Variants in DCLK1 observed in about 807,000 individuals in gnomAD.
The protein encoded by DCLK1 is serine/threonine-protein kinase DCLK1.
In DCLK1, 16 loss-of-function variants were observed where a neutral mutation model predicts 86.2. The ratio of observed to expected loss-of-function variants is 0.19; its 90% confidence interval spans 0.13 to 0.28. DCLK1 has a LOEUF of 0.28. Among genes scored for constraint, DCLK1 ranks in the 10% least tolerant of loss-of-function variants. DCLK1 has a pLI of 1.00. For missense variants in DCLK1, 590 were observed against 940.2 expected, an observed-to-expected ratio of 0.63 and a Z score of 4.87; for synonymous variants, 369 against 370.5, an observed-to-expected ratio of 1.00 and a Z score of 0.05.
rs142134726 is a variant in DCLK1 at position 35,867,963 on chromosome 13, A to G, written c.940+3261T>C. 7.6e-3 allele frequency among the ~76,000 whole-genome samples: 1,021 copies of G among 134,652 alleles called. 6 individuals are homozygous for G. The highest frequency in any genetic ancestry group is 0.019 in the Admixed American group (226 of 12,158). The allele number at this position is 134,652 out of a possible 152,430, so 88.3% of individuals were successfully genotyped here. A position where few individuals can be genotyped will look rare whatever the true frequency, so the allele number is the denominator to read the frequency against. ...AAAGAAAGAAAGAAAGAAAGAAAGA[A>G]AGAGAAAAAGAAAGACCCTAAACCC... On this transcript the variant is annotated intron_variant, in intron 5 of 16. Coordinates refer to ENST00000360631, the MANE Select transcript of DCLK1 (RefSeq NM_001330071.2).
intron 3 of DCLK1, among the ~76,000 whole-genome samples, chr13:35,977,007 T>C (rs1258550319): frequency 1.3e-5 from 2 of 152,220 alleles, no homozygotes; most frequent in Admixed American, 6.5e-5. Flanking sequence ...ATCTGGATTA[T>C]ATTATTTAAG....
intron 4 of DCLK1, among the ~76,000 whole-genome samples, chr13:35,914,588 A>T (rs9545727): frequency 0.18 from 27,283 of 148,462 alleles, 2,810 homozygotes; most frequent in East Asian, 0.34. Flanking sequence ...ATGGTGGCAC[A>T]GCCTATAGTC....
At chr13:35,914,284 A>T (rs1875232403) in intron 4 of DCLK1, among the ~76,000 whole-genome samples, 1 of 147,996 alleles carries the variant, frequency 6.8e-6, no homozygotes, top group Non-Finnish European at 1.5e-5. Context: ...GTGCCACTGC[A>T]CTCCAGCCTG....
At chr13:35,918,947 C>CT (rs1321530441) in intron 4 of DCLK1, among the ~76,000 whole-genome samples, 1 of 118,562 alleles carries the variant, frequency 8.4e-6, no homozygotes, top group East Asian at 2.6e-4. Flanking sequence ...GCTGCCCAGG[C>CT]TGGAGTGCAG....
At chr13:35,845,495 C>T (rs1434007051) in intron 6 of DCLK1, among the ~76,000 whole-genome samples, 1 of 151,968 alleles carries the variant, frequency 6.6e-6, no homozygotes, top group Non-Finnish European at 1.5e-5. Flanking sequence ...CATTTTTTCC[C>T]CTGCAAATTA....
intron 2 of DCLK1, 45 bp downstream of exon 2, chr13:36,125,717 C>T: frequency 6.4e-7 from 1 of 1,568,964 alleles, no homozygotes. Flanking sequence ...GAAATCTGAG[C>T]CTGGAACCTG....
chr13:35,828,680 C>CGAAAG (rs147220786), intron 8 of DCLK1, among the ~76,000 whole-genome samples: 5 of 151,544 alleles, frequency 3.3e-5, no homozygotes, highest in Admixed American at 6.6e-5. Context: ...GCTCTCAAAA[C>CGAAAG]AAAACACTAG....
At chr13:36,116,356 C>T (rs1885787189) in intron 2 of DCLK1, among the ~76,000 whole-genome samples, 1 of 151,080 alleles carries the variant, frequency 6.6e-6, no homozygotes, top group African/African-American at 2.4e-5. Context: ...TTCTACTTTG[C>T]CATTCGCTTC....
intron 16 of DCLK1, chr13:35,788,373 A>T (rs1213367998): frequency 8.5e-7 from 1 of 1,170,946 alleles, no homozygotes; most frequent in African/African-American, 1.5e-5. Flanking sequence ...CATTGATTCT[A>T]TATGTATATA....
intron 3 of DCLK1, among the ~76,000 whole-genome samples, chr13:35,955,863 G>T (rs780840694): frequency 6.6e-6 from 1 of 152,170 alleles, no homozygotes; most frequent in South Asian, 2.1e-4. Flanking sequence ...ATAGTAGGTA[G>T]GTCTCTGAGT....
chr13:36,086,290 C>G (rs1439993048), intron 3 of DCLK1, among the ~76,000 whole-genome samples: 1 of 152,118 alleles, frequency 6.6e-6, no homozygotes, highest in Non-Finnish European at 1.5e-5. Flanking sequence ...CCTCTGGAGT[C>G]TGCTCTGTAC....
At chr13:36,094,286 C>T (rs1279710258) in intron 3 of DCLK1, among the ~76,000 whole-genome samples, 1 of 152,136 alleles carries the variant, frequency 6.6e-6, no homozygotes, top group Non-Finnish European at 1.5e-5. Flanking sequence ...TTCTTAAATG[C>T]TAGAAACACC....
intron 3 of DCLK1, among the ~76,000 whole-genome samples, chr13:36,018,886 C>T (rs775843462): frequency 1.6e-4 from 24 of 151,976 alleles, no homozygotes; most frequent in Non-Finnish European, 2.9e-4. Context: ...TTGTTGATAG[C>T]ACTCTCTCTA....
intron 3 of DCLK1, among the ~76,000 whole-genome samples, chr13:35,971,388 A>G (rs560006218): frequency 6.6e-6 from 1 of 152,336 alleles, no homozygotes. Context: ...CATGACACCG[A>G]AGCTAAGACT....
intron 6 of DCLK1, chr13:35,847,660 A>AAGAAAGAAAGAAAGAAAGAAAGAAAAG (rs1404139447): frequency 1.0e-6 from 1 of 958,128 alleles, no homozygotes; most frequent in Non-Finnish European, 1.2e-6. Context: ...AGAAAGAAAA[A>AAGAAAGAAAGAAAGAAAGAAAGAAAAG]GAGCCCAATC....
intron 3 of DCLK1, among the ~76,000 whole-genome samples, chr13:36,095,706 A>T (rs1389234952): frequency 6.6e-6 from 1 of 152,214 alleles, no homozygotes; most frequent in East Asian, 1.9e-4. Context: ...TAGTAGAAAA[A>T]TTAAATGCTA....
chr13:35,830,212 C>A (rs1301819789), intron 8 of DCLK1, among the ~76,000 whole-genome samples: 1 of 151,900 alleles, frequency 6.6e-6, no homozygotes, highest in Non-Finnish European at 1.5e-5. Flanking sequence ...ATGGTGAAAC[C>A]CTGACTCTAC....
chr13:35,972,254 T>C (rs1210415672), intron 3 of DCLK1, among the ~76,000 whole-genome samples: 2 of 152,110 alleles, frequency 1.3e-5, no homozygotes, highest in Admixed American at 6.5e-5. Flanking sequence ...TAATCAACCA[T>C]TTGACAGGTA....
chr13:35,869,949 C>T (rs747331779), intron 5 of DCLK1, among the ~76,000 whole-genome samples: 1 of 152,144 alleles, frequency 6.6e-6, no homozygotes, highest in Non-Finnish European at 1.5e-5. Context: ...ACAAACTTTG[C>T]CAAGTTCCCA....
Sources: allele counts gnomAD v4.1 joint callset (sites outside exome capture counted in the v4.1 genomes callset), GRCh38; gene constraint gnomAD v4.1.1; transcripts MANE v1.5; gene names NCBI Gene and HGNC (gene_info 2026-07-23, HGNC 2026-07-21).